The following SLC2A9 variants were observed in gnomAD, a reference collection of about 807,000 sequenced individuals.
The protein encoded by SLC2A9 is solute carrier family 2, facilitated glucose transporter member 9.
A neutral mutation model predicts 50.6 loss-of-function variants in SLC2A9; 39 were observed. The observed-to-expected ratio is 0.77, with a 90% CI of 0.60 to 1.01. The LOEUF is 1.01. Among genes scored for constraint, SLC2A9 ranks in the 50% least tolerant of loss-of-function variants. The probability of loss-of-function intolerance (pLI) is 0.00; values close to 1 mark genes in which losing one functional copy is unlikely to be tolerated. For missense variants in SLC2A9, 686 were observed against 677.6 expected (o/e 1.01, Z -0.14); for synonymous variants, 324 against 276.9 (o/e 1.17, Z -1.69).
At chr4:9,891,049 G>A (rs923153308) in intron 8 of SLC2A9, among the ~76,000 whole-genome samples, 1 of 152,204 alleles carries the variant, frequency 6.6e-6, no homozygotes, top group Non-Finnish European at 1.5e-5. Flanking sequence ...TCCTTCAGAG[G>A]CAACCTGCAT....
chr4:9,864,054 T>C (rs1303363758), intron 10 of SLC2A9, among the ~76,000 whole-genome samples: 1 of 152,016 alleles, frequency 6.6e-6, no homozygotes, highest in Non-Finnish European at 1.5e-5. Context: ...TCTACCTGTC[T>C]TGTGGCTTCC....
chr4:9,958,538 G>A (rs1025622790), intron 5 of SLC2A9, among the ~76,000 whole-genome samples: 1 of 152,200 alleles, frequency 6.6e-6, no homozygotes, highest in African/African-American at 2.4e-5. Context: ...AATACCTAAT[G>A]TAGATCACGG....
At chr4:9,787,288 C>A (rs542009586) in intron 3 of SLC2A9, among the ~76,000 whole-genome samples, 2 of 152,348 alleles carry the variant, frequency 1.3e-5, no homozygotes, top group South Asian at 2.1e-4. Context: ...GGTGATCAGA[C>A]TTTACCTCTT....
intron 10 of SLC2A9, among the ~76,000 whole-genome samples, chr4:9,852,881 G>A (rs187119600): frequency 5.9e-5 from 9 of 152,314 alleles, no homozygotes; most frequent in African/African-American, 2.2e-4. Context: ...ATGTAAATGG[G>A]CAAAATGCCC....
At chr4:9,886,982 G>A (rs1409818782) in intron 10 of SLC2A9, among the ~76,000 whole-genome samples, 1 of 152,224 alleles carries the variant, frequency 6.6e-6, no homozygotes, top group Non-Finnish European at 1.5e-5. Flanking sequence ...GGTAAACTGA[G>A]GCTGGGATAC....
intron 7 of SLC2A9, among the ~76,000 whole-genome samples, chr4:9,913,547 A>T (rs1280556794): frequency 3.3e-5 from 5 of 152,186 alleles, no homozygotes; most frequent in Non-Finnish European, 7.3e-5. Flanking sequence ...TACTGTTTCC[A>T]GGGACCTCCT....
intron 10 of SLC2A9, among the ~76,000 whole-genome samples, chr4:9,844,166 T>TAAAAAAAAAAAAAAAAAA (rs970014171): frequency 1.1e-5 from 1 of 87,402 alleles, no homozygotes; most frequent in Non-Finnish European, 2.0e-5. Context: ...AAAATAATAA[T>TAAAAAAAAAAAAAAAAAA]AAAAAAAAAA....
chr4:9,792,001 T>A (rs1426527406), intron 3 of SLC2A9, among the ~76,000 whole-genome samples: 1 of 152,168 alleles, frequency 6.6e-6, no homozygotes, highest in Non-Finnish European at 1.5e-5. Flanking sequence ...GTAAACCTTT[T>A]TCCATTTCAT....
chr4:9,914,795 T>C (rs1742551007), intron 7 of SLC2A9, among the ~76,000 whole-genome samples: 1 of 152,110 alleles, frequency 6.6e-6, no homozygotes, highest in South Asian at 2.1e-4. Context: ...GGACAGCATA[T>C]CTAGATGCCC....
intron 10 of SLC2A9, among the ~76,000 whole-genome samples, chr4:9,877,490 T>G (rs145329462): frequency 6.9e-4 from 105 of 152,330 alleles, no homozygotes; most frequent in East Asian, 6.2e-3. Flanking sequence ...CATGAGAGAA[T>G]TGAAAGGGAT....
intron 3 of SLC2A9, among the ~76,000 whole-genome samples, chr4:9,993,257 G>A (rs796510513): frequency 1.3e-5 from 2 of 152,136 alleles, no homozygotes; most frequent in African/African-American, 4.8e-5. Flanking sequence ...TGCTCCAGAC[G>A]GAAGAACCAG....
chr4:10,001,155 A>G (rs1759726846), intron 2 of SLC2A9, among the ~76,000 whole-genome samples: 1 of 152,196 alleles, frequency 6.6e-6, no homozygotes, highest in Non-Finnish European at 1.5e-5. Context: ...ACACGGGTAC[A>G]GAGTGAATTT....
rs563010154 is a variant in SLC2A9, at chr4:9,807,957, T to C, written n.421-8716A>G. The stretch of plus-strand genomic sequence containing the variant: ...AATAGTTGGCCCCAGGCCTATTTAT[T>C]TGCTCTTTCCTGAAATCTCACCATG... On this transcript the variant is annotated intron_variant and non_coding_transcript_variant, in intron 3 of 3. Transcript: ENST00000503280. Among the ~76,000 whole-genome samples the C allele has an allele frequency of 9.2e-5, 14 of 152,362 alleles. 1 individual carries two copies. In the South Asian group the frequency reaches 2.9e-3, roughly 32 times the overall value.
At chr4:9,912,937 G>C (rs1029767984) in intron 7 of SLC2A9, among the ~76,000 whole-genome samples, 1 of 152,222 alleles carries the variant, frequency 6.6e-6, no homozygotes, top group Non-Finnish European at 1.5e-5. Context: ...GAAGACGTAA[G>C]GATGGAAGCA....
At chr4:9,931,962 C>CTATATATATATATATATATATATA (rs61538689) in intron 6 of SLC2A9, among the ~76,000 whole-genome samples, 3 of 14,580 alleles carry the variant, frequency 2.1e-4, no homozygotes, top group East Asian at 3.3e-3. Context: ...CTCTCTCTCT[C>CTATATATATATATATATATATATA]TATATATATA....
At chr4:9,852,324 C>G (rs920118292) in intron 10 of SLC2A9, among the ~76,000 whole-genome samples, 2 of 151,408 alleles carry the variant, frequency 1.3e-5, no homozygotes, top group African/African-American at 4.9e-5. Flanking sequence ...GCAATCTCGG[C>G]TCACTGCAAG....
chr4:9,951,498 G>C (rs1025312017), intron 5 of SLC2A9, among the ~76,000 whole-genome samples: 6 of 152,088 alleles, frequency 3.9e-5, no homozygotes, highest in African/African-American at 1.4e-4. Flanking sequence ...ACACAAATAT[G>C]TGTAACAAAA....
At chr4:9,984,928 C>G (rs1467758344) in intron 4 of SLC2A9, among the ~76,000 whole-genome samples, 1 of 152,208 alleles carries the variant, frequency 6.6e-6, no homozygotes, top group Non-Finnish European at 1.5e-5. Context: ...CCCAGCTCCT[C>G]TTTGGCGTCA....
chr4:9,849,901 T>C (rs1433924054), intron 10 of SLC2A9, among the ~76,000 whole-genome samples: 1 of 151,808 alleles, frequency 6.6e-6, no homozygotes, highest in African/African-American at 2.4e-5. Flanking sequence ...ACATTCTTCC[T>C]TTTTGGATGA....
Sources: gnomAD v4.1 joint callset for allele counts (sites outside exome capture counted in the v4.1 genomes callset) on GRCh38, gnomAD v4.1.1 for gene constraint, MANE v1.5 for transcripts, NCBI Gene and HGNC (gene_info 2026-07-23, HGNC 2026-07-21) for gene names.